The following OTC variants were observed in gnomAD, a reference collection of about 807,000 sequenced individuals.
The protein encoded by OTC is ornithine transcarbamylase, mitochondrial.
OTC carries 3 observed loss-of-function variants against 30.3 expected under a neutral mutation model. The ratio of observed to expected loss-of-function variants is 0.10; its 90% confidence interval spans 0.05 to 0.26. The LOEUF is 0.26. OTC is among the 10% of genes least tolerant of loss of function. OTC has a pLI of 1.00. For synonymous variants in OTC, 111 were observed against 99.7 expected (o/e 1.11, Z -0.67); for missense variants, 194 against 260.3 (o/e 0.75, Z 1.75).
At chrX:38,362,662 A>G (rs2147321173) in intron 1 of OTC, among the ~76,000 whole-genome samples, 1 of 112,031 alleles carries the variant, frequency 8.9e-6, no homozygotes, top group Non-Finnish European at 1.9e-5. Context: ...GCAGAACATT[A>G]ACCCTAACCC....
chrX:38,420,490 A>G (rs773159071), intron 9 of OTC, among the ~76,000 whole-genome samples: 97 of 110,768 alleles, frequency 8.8e-4, no homozygotes, highest in Non-Finnish European at 1.5e-3. Context: ...GAAAATTACC[A>G]TTTGTGATTG....
intron 3 of OTC, among the ~76,000 whole-genome samples, chrX:38,371,787 A>G (rs2068324161): frequency 8.9e-6 from 1 of 112,025 alleles, no homozygotes; most frequent in South Asian, 3.7e-4. Flanking sequence ...AGATAAGAAC[A>G]TTTTGCTCTT....
chrX:38,359,779 T>G (rs1288584066), intron 1 of OTC, among the ~76,000 whole-genome samples: 1 of 111,615 alleles, frequency 9.0e-6, no homozygotes, highest in Non-Finnish European at 1.9e-5. Flanking sequence ...ATAATCAAAG[T>G]GCACTGTTTT....
chrX:38,384,875 A>G (rs766514194), intron 4 of OTC, among the ~76,000 whole-genome samples: 1 of 112,754 alleles, frequency 8.9e-6, no homozygotes, highest in East Asian at 2.8e-4. Flanking sequence ...CCATAGTGCC[A>G]CTTATTTGTT....
intron 1 of OTC, among the ~76,000 whole-genome samples, chrX:38,365,567 G>A (rs2068291447): frequency 8.9e-6 from 1 of 112,168 alleles, no homozygotes; most frequent in Non-Finnish European, 1.9e-5. Flanking sequence ...GAGAGGGGTT[G>A]GAAATTAGAA....
intron 4 of OTC, among the ~76,000 whole-genome samples, chrX:38,389,834 GATACTT>G (rs67498109): frequency 0.18 from 19,368 of 110,581 alleles, 1,521 homozygotes; most frequent in Middle Eastern, 0.26. Context: ...GCAAAATGGA[GATACTT>G]ATACTTATCT....
chrX:38,412,112 C>A, intron 9 of OTC, 113 bp downstream of exon 9: 1 of 716,414 alleles, frequency 1.4e-6, no homozygotes, highest in South Asian at 2.3e-5. Flanking sequence ...ATTACTTGCT[C>A]ATGTAACATC....
chrX:38,420,471 A>T (rs1268712264), intron 9 of OTC, among the ~76,000 whole-genome samples: 1 of 110,847 alleles, frequency 9.0e-6, no homozygotes, highest in East Asian at 2.8e-4. Context: ...GATTGAGAAA[A>T]GTAAAAGTGA....
the OTC span, among the ~76,000 whole-genome samples, chrX:38,337,426 A>C: frequency 1.8e-5 from 2 of 112,029 alleles, no homozygotes; most frequent in Non-Finnish European, 3.8e-5. Context: ...AAGTCCATCT[A>C]CATTTTTCTC....
intron 4 of OTC, among the ~76,000 whole-genome samples, chrX:38,388,000 A>AG (rs778885720): frequency 5.5e-4 from 62 of 111,872 alleles, no homozygotes; most frequent in African/African-American, 1.9e-3. Flanking sequence ...CTAAAGTCCA[A>AG]GTTCCTAGAT....
rs767268562 is a variant in OTC, at chrX:38,396,239, G to A, written c.387-5036G>A. Among the ~76,000 whole-genome samples, 601 of 109,771 alleles carry A rather than the reference G, an allele frequency of 5.5e-3. 6 individuals are homozygous for A. Among genetic ancestry groups the A allele is most frequent in the Middle Eastern group, 0.019 (4 of 213 alleles). On this transcript the variant is annotated intron_variant, in intron 4 of 9. Transcript: ENST00000039007. ...AGCTTCCCAAAGTGCTGGGATTACA[G>A]GCATGAGCCACTGCACCCTGCCATG...
chrX:38,345,847 C>T, the OTC span, among the ~76,000 whole-genome samples: 509 of 110,916 alleles, frequency 4.6e-3, 3 homozygotes, highest in African/African-American at 0.016. Context: ...GACCCTAAAC[C>T]GTAATTTCTA....
chrX:38,392,118 T>C (rs769306914), intron 4 of OTC, among the ~76,000 whole-genome samples: 1 of 112,116 alleles, frequency 8.9e-6, no homozygotes, highest in African/African-American at 3.2e-5. Flanking sequence ...TGTTTTAACT[T>C]GTTAATCATT....
chrX:38,382,504 A>G (rs2068381611), intron 4 of OTC, among the ~76,000 whole-genome samples: 1 of 112,440 alleles, frequency 8.9e-6, no homozygotes, highest in African/African-American at 3.2e-5. Context: ...GATTTCAAAT[A>G]ACTCTTCTTT....
At position 38,401,247 on chromosome X, in the gene OTC, A is replaced by G. The variant is rs748353850; in HGVS notation, c.387-28A>G. On this transcript the variant is annotated intron_variant, in intron 4 of 9. Coordinates refer to ENST00000039007, the MANE Select transcript of OTC (RefSeq NM_000531.6). ...AGGCATTATTAAGCATAATTATCTT[A>G]GATTATCTTTTTCTTGGTTTGCCAC... The G allele has an allele frequency of 3.5e-6, 4 of 1,134,377 alleles. No individual in the cohort carries two copies. In the South Asian group the frequency reaches 5.5e-5, roughly 15 times the overall value. 93.5% of individuals were successfully genotyped at this position (1,134,377 alleles called of 1,213,427 possible). A position where few individuals can be genotyped will look rare whatever the true frequency, so the allele number is the denominator to read the frequency against.
chrX:38,332,960 G>A, the OTC span, among the ~76,000 whole-genome samples: 1,438 of 111,354 alleles, frequency 0.013, 10 homozygotes, highest in Non-Finnish European at 0.022. Context: ...GGCTTATGCC[G>A]TAATCCCAGA....
At chrX:38,387,778 T>A (rs1176835920) in intron 4 of OTC, among the ~76,000 whole-genome samples, 2 of 112,028 alleles carry the variant, frequency 1.8e-5, no homozygotes. Context: ...CCCCTCCCAG[T>A]GGTGTCACAC....
At chrX:38,389,277 T>C (rs921894921) in intron 4 of OTC, among the ~76,000 whole-genome samples, 2 of 111,538 alleles carry the variant, frequency 1.8e-5, no homozygotes, top group Non-Finnish European at 3.8e-5. Context: ...CACATGTCCC[T>C]ATGACACCAT....
intron 1 of OTC, among the ~76,000 whole-genome samples, chrX:38,360,490 A>G (rs2068266284): frequency 1.8e-5 from 2 of 111,949 alleles, no homozygotes; most frequent in African/African-American, 6.5e-5. Flanking sequence ...GGTAAAGTGA[A>G]GACTACTTAG....
Sources: allele counts gnomAD v4.1 joint callset (sites outside exome capture counted in the v4.1 genomes callset), GRCh38; gene constraint gnomAD v4.1.1; transcripts MANE v1.5; gene names NCBI Gene and HGNC (gene_info 2026-07-23, HGNC 2026-07-21).